Variants in DNAH11 observed in about 807,000 individuals in gnomAD.
DNAH11 encodes axonemal beta dynein heavy chain 11.
A neutral mutation model predicts 526.0 loss-of-function variants in DNAH11; 442 were observed. The ratio of observed to expected loss-of-function variants is 0.84; its 90% confidence interval spans 0.78 to 0.91. The LOEUF is 0.91. DNAH11 is among the 40% of genes least tolerant of loss of function. The pLI, the probability that DNAH11 is intolerant of heterozygous loss-of-function variation, is 0.00. For synonymous variants in DNAH11, 2,461 were observed against 1,935.9 expected (o/e 1.27, Z -7.12); for missense variants, 6,989 against 5,448.7 (o/e 1.28, Z -8.90).
At chr7:21,607,277 AC>A (rs1378436991) in intron 20 of DNAH11, among the ~76,000 whole-genome samples, 2 of 152,174 alleles carry the variant, frequency 1.3e-5, no homozygotes, top group African/African-American at 4.8e-5. Flanking sequence ...TAGTCCTTCC[AC>A]ATTCCTCTGT....
intron 66 of DNAH11, among the ~76,000 whole-genome samples, chr7:21,850,108 G>A (rs1199444582): frequency 1.3e-5 from 2 of 151,538 alleles, no homozygotes; most frequent in Non-Finnish European, 2.9e-5. Context: ...TGTAATCCCA[G>A]CACTTTGGGA....
At chr7:21,743,315 T>C (rs1252197392) in intron 49 of DNAH11, among the ~76,000 whole-genome samples, 1 of 152,250 alleles carries the variant, frequency 6.6e-6, no homozygotes, top group African/African-American at 2.4e-5. Context: ...ATAGCAACTT[T>C]TAAATAGTTG....
intron 39 of DNAH11, among the ~76,000 whole-genome samples, chr7:21,706,692 C>T (rs529794940): frequency 1.3e-5 from 2 of 152,278 alleles, no homozygotes; most frequent in Admixed American, 1.3e-4. Flanking sequence ...TTCTGTTCTA[C>T]TCAACAGGTA....
intron 36 of DNAH11, among the ~76,000 whole-genome samples, chr7:21,698,741 T>C (rs995241132): frequency 1.3e-5 from 2 of 152,194 alleles, no homozygotes; most frequent in African/African-American, 4.8e-5. Flanking sequence ...GGCTAGTCCA[T>C]ATTTTTGCAA....
At chr7:21,873,068 T>C (rs1284749049) in intron 73 of DNAH11, among the ~76,000 whole-genome samples, 3 of 151,396 alleles carry the variant, frequency 2.0e-5, no homozygotes, top group Non-Finnish European at 4.4e-5. Context: ...ATTTAATATG[T>C]TCAAGGTTCA....
intron 20 of DNAH11, among the ~76,000 whole-genome samples, chr7:21,614,632 A>G (rs1583530239): frequency 6.6e-6 from 1 of 152,234 alleles, no homozygotes; most frequent in African/African-American, 2.4e-5. Context: ...CTGTGTTTTT[A>G]GCTTTATGCT....
intron 80 of DNAH11, among the ~76,000 whole-genome samples, chr7:21,899,735 G>A (rs1032376590): frequency 2.0e-5 from 3 of 152,190 alleles, no homozygotes; most frequent in Non-Finnish European, 4.4e-5. Context: ...CTCTGCTACT[G>A]TAGTGCGAAA....
Position 21,773,930 on chromosome 7 carries a change from A to G in DNAH11, c.9267A>G (p.Gln3089=), listed in dbSNP as rs1221980496. ...TTAAGAACCTGTTGAAGAAGAAGCA[A>G]AATGAGGTATCCGAGAAAAAAGAAC... ...SLFKNLLKKK[Q]NEVSEKKERL... Residue 3089 remains glutamine, a synonymous_variant, in exon 56 of 82, where the codon CAA becomes CAG. Coordinates refer to ENST00000409508, the MANE Select transcript of DNAH11 (RefSeq NM_001277115.2). The G allele has an allele frequency of 1.3e-6, 2 of 1,596,194 alleles. No homozygotes were observed. The highest frequency in any genetic ancestry group is 1.7e-4 in the Middle Eastern group (1 of 6,034).
At chr7:21,580,468 A>T (rs1784266756) in intron 8 of DNAH11, among the ~76,000 whole-genome samples, 1 of 152,224 alleles carries the variant, frequency 6.6e-6, no homozygotes, top group Non-Finnish European at 1.5e-5. Context: ...GCTTGTGTGA[A>T]ATTCAGCATA....
At chr7:21,566,863 T>C (rs6964528) in intron 6 of DNAH11, among the ~76,000 whole-genome samples, 27,691 of 152,156 alleles carry the variant, frequency 0.18, 2,578 homozygotes, top group Middle Eastern at 0.24. Flanking sequence ...CCTAAACTTA[T>C]ATATATTTAT....
At chr7:21,673,636 C>T (rs911948331) in intron 30 of DNAH11, among the ~76,000 whole-genome samples, 3 of 152,146 alleles carry the variant, frequency 2.0e-5, no homozygotes, top group Admixed American at 6.5e-5. Context: ...TTCGGTTTCT[C>T]GCTCTTGCTC....
chr7:21,848,098 T>G (rs961384756), intron 66 of DNAH11, among the ~76,000 whole-genome samples: 4 of 146,570 alleles, frequency 2.7e-5, no homozygotes, highest in African/African-American at 1.0e-4. Flanking sequence ...ACCCAGGAGG[T>G]AGAGCTTGCA....
At chr7:21,579,188 C>G (rs978738632) in intron 8 of DNAH11, among the ~76,000 whole-genome samples, 3 of 152,158 alleles carry the variant, frequency 2.0e-5, no homozygotes, top group Non-Finnish European at 4.4e-5. Flanking sequence ...AATAGCTTCT[C>G]ATGATGCTAA....
At chr7:21,861,059 GT>G (rs1241443036) in intron 68 of DNAH11, among the ~76,000 whole-genome samples, 7 of 152,198 alleles carry the variant, frequency 4.6e-5, no homozygotes, top group Admixed American at 4.6e-4. Context: ...TGAGATTTGG[GT>G]GGGGAAACAG....
intron 41 of DNAH11, 113 bp from the exon 42 acceptor site, chr7:21,711,599 C>G (rs1051155105): frequency 1.1e-5 from 15 of 1,424,956 alleles, no homozygotes; most frequent in Non-Finnish European, 1.4e-5. Context: ...ACTTCTGATT[C>G]AGGAGAGTGA....
chr7:21,687,540 C>T lies in DNAH11; in HGVS notation c.5924+13C>T. The T allele has an allele frequency of 6.2e-7, 1 of 1,611,078 alleles. No homozygotes were observed. ...ACAGGAAGAAGAGGTGAGTGGCATG[C>T]AGGCTATCTCTTGTTACAAATAGAA... On this transcript the variant is annotated intron_variant, in intron 34 of 81. Transcript: ENST00000409508.
chr7:21,705,695 T>C (rs1460861238), intron 39 of DNAH11, among the ~76,000 whole-genome samples, 158 bp downstream of exon 39: 4 of 152,138 alleles, frequency 2.6e-5, no homozygotes, highest in African/African-American at 9.7e-5. Context: ...GCTTGATCAA[T>C]TGACATTCTT....
chr7:21,798,673 G>A (rs1372565254), intron 61 of DNAH11, among the ~76,000 whole-genome samples: 1 of 151,998 alleles, frequency 6.6e-6, no homozygotes, highest in East Asian at 1.9e-4. Context: ...ATAAGGCATT[G>A]TCTGCTTTAT....
At chr7:21,721,212 C>T (rs1583626652) in intron 44 of DNAH11, among the ~76,000 whole-genome samples, 3 of 152,342 alleles carry the variant, frequency 2.0e-5, no homozygotes, top group Non-Finnish European at 2.9e-5. Flanking sequence ...CCCTGCTCTT[C>T]CTTCTTTTCT....
Sources: allele counts gnomAD v4.1 joint callset (sites outside exome capture counted in the v4.1 genomes callset), GRCh38; gene constraint gnomAD v4.1.1; transcripts MANE v1.5; gene names NCBI Gene and HGNC (gene_info 2026-07-23, HGNC 2026-07-21).